The following SEPTIN10 variants were observed in gnomAD, a reference collection of about 807,000 sequenced individuals.
The protein encoded by SEPTIN10 is septin 10.
Under a neutral mutation model 54.8 loss-of-function variants are expected in SEPTIN10, and 66 were observed. The ratio of observed to expected loss-of-function variants is 1.21; its 90% CI spans 0.99 to 1.48. The LOEUF (loss-of-function observed/expected upper bound fraction) is 1.48. SEPTIN10 is among the 40% of genes most tolerant of loss of function. SEPTIN10 has a pLI of 0.00. For synonymous variants in SEPTIN10, 161 were observed against 181.0 expected (o/e 0.89, Z 0.89); for missense variants, 620 against 545.6 (o/e 1.14, Z -1.36).
In SEPTIN10 at chr2:109,590,035, T is replaced by TAC. The variant is rs34368452; in HGVS notation, c.99+3014_99+3015dup. On this transcript the variant is annotated intron_variant, in intron 2 of 10. Transcript: ENST00000397712. ...ATATATATATATACACACACATATA[T>TAC]ACACACATATATATGTGTGTGTATA... Among the ~76,000 whole-genome samples, 1,405 of 147,984 alleles carry TAC rather than the reference T, an allele frequency of 9.5e-3. 60 individuals carry two copies. In the East Asian group the frequency reaches 0.12, roughly 13 times the overall value.
chr2:109,598,828 C>A (rs1695904045), intron 1 of SEPTIN10, among the ~76,000 whole-genome samples: 1 of 151,742 alleles, frequency 6.6e-6, no homozygotes, highest in South Asian at 2.1e-4. Context: ...TGCAGTGAGC[C>A]CAGATCACAC....
chr2:109,594,197 C>A (rs1310133459), intron 1 of SEPTIN10, among the ~76,000 whole-genome samples: 3 of 152,134 alleles, frequency 2.0e-5, no homozygotes, highest in Non-Finnish European at 4.4e-5. Flanking sequence ...GTACTGCTAT[C>A]CTACTTCTGA....
intron 4 of SEPTIN10, among the ~76,000 whole-genome samples, chr2:109,578,942 T>C (rs1363120024): frequency 6.6e-6 from 1 of 151,696 alleles, no homozygotes; most frequent in Non-Finnish European, 1.5e-5. Context: ...CAGAAAGTAA[T>C]GAAACAGGAA....
At chr2:109,602,210 T>C (rs940193592) in intron 1 of SEPTIN10, among the ~76,000 whole-genome samples, 6 of 151,960 alleles carry the variant, frequency 3.9e-5, no homozygotes, top group Non-Finnish European at 8.8e-5. Flanking sequence ...TTTATGACTA[T>C]AACTTGGAAC....
At chr2:109,589,105 T>TG (rs1210344215) in intron 2 of SEPTIN10, among the ~76,000 whole-genome samples, 4 of 150,342 alleles carry the variant, frequency 2.7e-5, no homozygotes, top group Non-Finnish European at 4.4e-5. Flanking sequence ...TTTTGTGGTT[T>TG]TTTTGTTTGT....
chr2:109,557,754 T>A (rs1191556391), intron 8 of SEPTIN10, among the ~76,000 whole-genome samples: 1 of 152,326 alleles, frequency 6.6e-6, no homozygotes, highest in African/African-American at 2.4e-5. Flanking sequence ...AATGCAATCA[T>A]TGTTTCTTAT....
At chr2:109,547,173 T>C (rs954255360) in intron 9 of SEPTIN10, among the ~76,000 whole-genome samples, 3 of 152,218 alleles carry the variant, frequency 2.0e-5, no homozygotes, top group Non-Finnish European at 4.4e-5. Flanking sequence ...CTAGCCTTCA[T>C]CTGCCAGCTA....
chr2:109,566,428 C>T (rs185056555), intron 6 of SEPTIN10, among the ~76,000 whole-genome samples: 1 of 152,060 alleles, frequency 6.6e-6, no homozygotes, highest in African/African-American at 2.4e-5. Context: ...AGGTGTGAGC[C>T]ACCACACCTG....
At chr2:109,557,850 T>TC (rs1684740889) in intron 8 of SEPTIN10, among the ~76,000 whole-genome samples, 1 of 141,922 alleles carries the variant, frequency 7.0e-6, no homozygotes, top group Admixed American at 7.6e-5. Flanking sequence ...GTCATAATTT[T>TC]CTTTTTTTTT....
intron 1 of SEPTIN10, among the ~76,000 whole-genome samples, chr2:109,609,897 T>C (rs1350370521): frequency 2.0e-5 from 3 of 152,160 alleles, no homozygotes; most frequent in Non-Finnish European, 4.4e-5. Context: ...GTCAGTGGAC[T>C]GTACTCAACA....
chr2:109,551,675 T>C (rs1682989554), intron 9 of SEPTIN10, among the ~76,000 whole-genome samples: 1 of 152,204 alleles, frequency 6.6e-6, no homozygotes, highest in South Asian at 2.1e-4. Flanking sequence ...AAAATTCGCA[T>C]TATAAATAAA....
At chr2:109,590,904 G>A (rs1693915737) in intron 2 of SEPTIN10, among the ~76,000 whole-genome samples, 1 of 152,182 alleles carries the variant, frequency 6.6e-6, no homozygotes, top group Admixed American at 6.5e-5. Context: ...GAAAGAGTAT[G>A]GAAGGAAAGC....
At chr2:109,575,259 G>C (rs1290320994) in intron 4 of SEPTIN10, among the ~76,000 whole-genome samples, 1 of 152,144 alleles carries the variant, frequency 6.6e-6, no homozygotes, top group Non-Finnish European at 1.5e-5. Flanking sequence ...CTGGTACCTG[G>C]CTTATTATTT....
At chr2:109,565,929 T>A (rs1338370254) in intron 6 of SEPTIN10, 70 bp from the exon 7 acceptor site, 1 of 1,315,264 alleles carries the variant, frequency 7.6e-7, no homozygotes, top group Non-Finnish European at 1.1e-6. Context: ...AAATTTTATG[T>A]GAGAGAGAAG....
At chr2:109,564,224 A>G in intron 8 of SEPTIN10, 142 bp downstream of exon 8, 14 of 716,866 alleles carry the variant, frequency 2.0e-5, no homozygotes, top group Non-Finnish European at 2.6e-5. Flanking sequence ...CAAGAAGCAC[A>G]ATAATTAGTC....
chr2:109,608,959 T>C (rs1032982424), intron 1 of SEPTIN10, among the ~76,000 whole-genome samples: 19 of 152,212 alleles, frequency 1.2e-4, no homozygotes, highest in Non-Finnish European at 1.9e-4. Context: ...GGGTCCTGTA[T>C]GTATTCTTGA....
At chr2:109,613,573 C>T (rs1385631767) in intron 1 of SEPTIN10, 3 of 260,390 alleles carry the variant, frequency 1.2e-5, no homozygotes, top group Non-Finnish European at 2.1e-5. Flanking sequence ...ACGCTGGCGC[C>T]GCGCCCCGCG....
intron 5 of SEPTIN10, among the ~76,000 whole-genome samples, chr2:109,570,140 G>A (rs1380456103): frequency 6.6e-6 from 1 of 152,118 alleles, no homozygotes; most frequent in Non-Finnish European, 1.5e-5. Context: ...TTCCTGTCTA[G>A]TTTGTACAAT....
intron 1 of SEPTIN10, chr2:109,594,579 A>T (rs1241061074): frequency 1.3e-5 from 2 of 151,408 alleles, no homozygotes; most frequent in Admixed American, 6.6e-5. Context: ...TGGTGTATAC[A>T]TATCGACGCT....
Sources: gnomAD v4.1 joint callset for allele counts (sites outside exome capture counted in the v4.1 genomes callset) on GRCh38, gnomAD v4.1.1 for gene constraint, MANE v1.5 for transcripts, NCBI Gene and HGNC (gene_info 2026-07-23, HGNC 2026-07-21) for gene names.